MED13L: variants seen among roughly 807,000 people sequenced by gnomAD.
MED13L encodes the protein mediator complex subunit 13L, also known as mediator of RNA polymerase II transcription subunit 13-like.
Under a neutral mutation model 220.9 loss-of-function variants are expected in MED13L, and 7 were observed. The ratio of observed to expected loss-of-function variants is 0.03; its 90% CI spans 0.02 to 0.06. MED13L has a LOEUF of 0.06. Among genes scored for constraint, MED13L ranks in the 10% least tolerant of loss-of-function variants. MED13L has a pLI of 1.00. For missense variants in MED13L, 1,965 were observed against 2,760.5 expected (o/e 0.71, Z 6.46); for synonymous variants, 1,011 against 1,015.2 (o/e 1.00, Z 0.08).
intron 3 of MED13L, among the ~76,000 whole-genome samples, chr12:116,102,703 CTTTTTTCTTTTTTTTTTTTTTTTTT>C (rs1873182705): frequency 1.6e-5 from 1 of 63,204 alleles, no homozygotes; most frequent in African/African-American, 5.4e-5. Flanking sequence ...TTTTCTTTTT[CTTTTTTCTTTTTTTTTTTTTTTTTT>C]TTTTTTTTTT....
intron 1 of MED13L, 73 bp downstream of exon 1, chr12:116,276,987 T>C (rs1873910389): frequency 6.8e-7 from 1 of 1,477,140 alleles, no homozygotes; most frequent in Non-Finnish European, 9.2e-7. Flanking sequence ...GAGGAGAAAG[T>C]TGGTCGGCGG....
chr12:116,086,909 GACT>G, intron 4 of MED13L, among the ~76,000 whole-genome samples: 1 of 152,104 alleles, frequency 6.6e-6, no homozygotes, highest in Non-Finnish European at 1.5e-5. Context: ...CATTTGGTAA[GACT>G]ACTTCTTTAA....
At chr12:115,984,595 T>TAAAAAAAAAAAAAA in intron 19 of MED13L, among the ~76,000 whole-genome samples, 1 of 146,916 alleles carries the variant, frequency 6.8e-6, no homozygotes, top group Non-Finnish European at 1.5e-5. Flanking sequence ...CTAGGCTCTC[T>TAAAAAAAAAAAAAA]AAAAAAAAAA....
intron 2 of MED13L, among the ~76,000 whole-genome samples, chr12:116,199,622 G>GA (rs1354651427): frequency 6.6e-6 from 1 of 151,782 alleles, no homozygotes; most frequent in African/African-American, 2.4e-5. Flanking sequence ...AGCACTTTCA[G>GA]AAAAACAGTT....
At chr12:116,054,046 C>T (rs1231517595) in intron 4 of MED13L, among the ~76,000 whole-genome samples, 3 of 152,096 alleles carry the variant, frequency 2.0e-5, no homozygotes, top group East Asian at 1.9e-4. Context: ...GTCTGCCAGC[C>T]GTGAAGTCCA....
chr12:115,973,921 T>C (rs1271800234), intron 25 of MED13L, among the ~76,000 whole-genome samples: 1 of 152,216 alleles, frequency 6.6e-6, no homozygotes, highest in Non-Finnish European at 1.5e-5. Flanking sequence ...GAAAATTTGA[T>C]ACCAGATTTA....
At chr12:115,964,892 A>G (rs1037130254) in intron 29 of MED13L, among the ~76,000 whole-genome samples, 1 of 152,232 alleles carries the variant, frequency 6.6e-6, no homozygotes, top group African/African-American at 2.4e-5. Flanking sequence ...TCGTGGCAAC[A>G]GAGGTGTTTA....
rs533632963 is a variant in MED13L at position 116,023,022 on chromosome 12, A to G, written c.480-421T>C. On this transcript the variant is annotated intron_variant, in intron 4 of 30. Transcript: ENST00000281928. ...TTTTAAAGTGGCCCACTGACCCAGC[A>G]TAACAGCTCACACCTGTAACTCCAA... Among the ~76,000 whole-genome samples, 65 of 152,312 alleles carry G rather than the reference A, an allele frequency of 4.3e-4. 1 individual carries two copies. In the South Asian group the frequency reaches 0.013, roughly 30 times the overall value.
chr12:116,078,058 T>C (rs1338282512), intron 4 of MED13L, among the ~76,000 whole-genome samples: 1 of 149,688 alleles, frequency 6.7e-6, no homozygotes, highest in Non-Finnish European at 1.5e-5. Context: ...GCACAAGAAT[T>C]GCTTGAACCC....
At chr12:116,068,992 G>T (rs1870170559) in intron 4 of MED13L, among the ~76,000 whole-genome samples, 1 of 152,200 alleles carries the variant, frequency 6.6e-6, no homozygotes, top group Non-Finnish European at 1.5e-5. Flanking sequence ...CGAGTGCCAT[G>T]AGAATGATAA....
intron 2 of MED13L, among the ~76,000 whole-genome samples, chr12:116,224,878 C>T (rs1868801798): frequency 6.6e-6 from 1 of 152,130 alleles, no homozygotes; most frequent in Non-Finnish European, 1.5e-5. Flanking sequence ...AAGGCTTCAC[C>T]ATGTTGCCCA....
chr12:116,006,198 G>A, intron 12 of MED13L, 108 bp downstream of exon 12: 9 of 1,228,192 alleles, frequency 7.3e-6, no homozygotes, highest in Non-Finnish European at 1.1e-5. Context: ...TATTAAAGAT[G>A]AGATGAAATT....
chr12:116,065,591 T>C (rs947619129), intron 4 of MED13L, among the ~76,000 whole-genome samples: 1 of 152,206 alleles, frequency 6.6e-6, no homozygotes, highest in African/African-American at 2.4e-5. Flanking sequence ...TATAAACAGT[T>C]TATAAGATTC....
chr12:116,063,899 C>T (rs2137649416), intron 4 of MED13L, among the ~76,000 whole-genome samples: 1 of 152,184 alleles, frequency 6.6e-6, no homozygotes, highest in Non-Finnish European at 1.5e-5. Flanking sequence ...ATAAAATGGT[C>T]TGGGCTGGGC....
At chr12:115,990,628 G>C (rs1284679099) in intron 17 of MED13L, among the ~76,000 whole-genome samples, 1 of 152,144 alleles carries the variant, frequency 6.6e-6, no homozygotes, top group African/African-American at 2.4e-5. Flanking sequence ...CTCTGGAAAT[G>C]GCTAGAAGGC....
chr12:116,184,569 C>T (rs1880752467), intron 2 of MED13L, among the ~76,000 whole-genome samples: 1 of 152,080 alleles, frequency 6.6e-6, no homozygotes, highest in Non-Finnish European at 1.5e-5. Flanking sequence ...CCTCAAAATG[C>T]CAGTAAGGTA....
At chr12:116,064,965 CA>C (rs1869808063) in intron 4 of MED13L, among the ~76,000 whole-genome samples, 1 of 152,122 alleles carries the variant, frequency 6.6e-6, no homozygotes, top group Non-Finnish European at 1.5e-5. Flanking sequence ...TACAGTCAAG[CA>C]ACAATGGAAG....
At position 116,239,242 on chromosome 12, in the gene MED13L, A is replaced by T. The variant is rs530055205; in HGVS notation, c.73-1537T>A. On this transcript the variant is annotated intron_variant, in intron 1 of 30. Coordinates refer to ENST00000281928, the MANE Select transcript of MED13L (RefSeq NM_015335.5). ...CTTATATTTTACGCTGAGATACGCA[A>T]ATCTAAATTTTTAATGAATATGTTT... Among the ~76,000 whole-genome samples the T allele has an allele frequency of 4.6e-5, 7 of 152,340 alleles. No homozygotes were observed. In the East Asian group the frequency reaches 1.3e-3, roughly 29 times the overall value.
intron 4 of MED13L, among the ~76,000 whole-genome samples, chr12:116,025,685 A>G (rs867228942): frequency 4.6e-5 from 7 of 152,194 alleles, no homozygotes; most frequent in African/African-American, 1.2e-4. Context: ...CTGATATCAT[A>G]TAAGTAGAGA....
Sources: allele counts gnomAD v4.1 joint callset (sites outside exome capture counted in the v4.1 genomes callset), GRCh38; gene constraint gnomAD v4.1.1; transcripts MANE v1.5; gene names NCBI Gene and HGNC (gene_info 2026-07-23, HGNC 2026-07-21).